The following IFNG variants were observed in gnomAD, a reference collection of about 807,000 sequenced individuals.
IFNG encodes IFN-gamma.
IFNG carries 8 observed loss-of-function variants against 14.4 expected under a neutral mutation model. The ratio of observed to expected loss-of-function variants is 0.56; its 90% CI spans 0.33 to 1.00. IFNG has a LOEUF of 1.00. Ranked by LOEUF, IFNG falls within the 50% of genes least tolerant of loss-of-function variation. The probability of loss-of-function intolerance (pLI) is 0.03; values close to 1 mark genes in which losing one functional copy is unlikely to be tolerated. For synonymous variants in IFNG, 73 were observed against 65.4 expected (o/e 1.12, Z -0.56); for missense variants, 132 against 194.9 (o/e 0.68, Z 1.92).
chr12:68,155,137 TA>T lies in IFNG; in HGVS notation c.*215del, dbSNP rs1882580639. Reference sequence around the variant, plus strand: ...TTGTAATCACATAGCCTTGCCTAATTAGTCAGAAAACAAAGGATTAAGTGAG... The same window carrying T: ...TTGTAATCACATAGCCTTGCCTAATTGTCAGAAAACAAAGGATTAAGTGAG... On this transcript the variant is annotated 3_prime_UTR_variant, in exon 4 of 4. Coordinates refer to ENST00000229135, the MANE Select transcript of IFNG (RefSeq NM_000619.3). 1 of 326,500 alleles carries T rather than the reference TA, an allele frequency of 3.1e-6. No homozygotes were observed. The highest frequency in any genetic ancestry group is 5.4e-6 in the Non-Finnish European group (1 of 183,846). 20.2% of individuals were successfully genotyped at this position (326,500 alleles called of 1,614,324 possible).
chr12:68,156,276 A>G lies in IFNG; in HGVS notation c.367-789T>C, dbSNP rs137925872. Among the ~76,000 whole-genome samples the G allele has an allele frequency of 3.2e-3, 480 of 152,372 alleles. 1 individual carries two copies. Among genetic ancestry groups the G allele is most frequent in the Middle Eastern group, 0.017 (5 of 294 alleles). ...TTACTGATATATAAAGTTTAAAATT[A>G]AGAATTGCAACAACTTTTCCAGTAC... is the stretch of plus-strand genomic sequence containing the variant. On this transcript the variant is annotated intron_variant, in intron 3 of 3. Coordinates refer to ENST00000229135, the MANE Select transcript of IFNG (RefSeq NM_000619.3).
chr12:68,155,755 T>C (rs1882591337), intron 3 of IFNG, among the ~76,000 whole-genome samples: 1 of 152,148 alleles, frequency 6.6e-6, no homozygotes, highest in African/African-American at 2.4e-5. Context: ...GACTCCTGGT[T>C]GTGGAGTCAG....
Position 68,158,017 on chromosome 12 carries a change from T to C in IFNG, c.262A>G (p.Ser88Gly), listed in dbSNP as rs1449250206. Residue 88 changes from serine to glycine, a missense_variant, in exon 3 of 4, where the codon AGC (serine) becomes GGC (glycine). Coordinates refer to ENST00000229135, the MANE Select transcript of IFNG (RefSeq NM_000619.3). ...KLFKNFKDDQ[S>G]IQKSVETIKE... The stretch of plus-strand genomic sequence containing the variant: ...ATGGTCTCCACACTCTTTTGGATGC[T>C]CTGGTCATCTTTAAAGTTTTTAAAA... The C allele has an allele frequency of 6.2e-7, 1 of 1,610,986 alleles. No homozygotes were observed. Among genetic ancestry groups the C allele is most frequent in the South Asian group, 1.1e-5 (1 of 90,374 alleles).
chr12:68,157,013 C>A (rs1882611380), intron 3 of IFNG, among the ~76,000 whole-genome samples: 1 of 152,090 alleles, frequency 6.6e-6, no homozygotes, highest in Non-Finnish European at 1.5e-5. Flanking sequence ...AATCTAGAGG[C>A]CTTTGTCTTC....
intron 3 of IFNG, 119 bp downstream of exon 3, chr12:68,157,794 C>T (rs1882622968): frequency 1.4e-6 from 1 of 710,458 alleles, no homozygotes; most frequent in Non-Finnish European, 2.3e-6. Context: ...AGAGTTTCAG[C>T]CATGAGTTGA....
chr12:68,156,211 G>C (rs1250240871), intron 3 of IFNG, among the ~76,000 whole-genome samples: 3 of 152,106 alleles, frequency 2.0e-5, no homozygotes, highest in Non-Finnish European at 4.4e-5. Flanking sequence ...TTCCATAATA[G>C]ATTTTAAAAT....
Position 68,155,487 on chromosome 12 carries a change from C to A in IFNG, c.367G>T (p.Val123Leu), listed in dbSNP as rs1411374650. 20 of 1,601,002 alleles carry A rather than the reference C, an allele frequency of 1.2e-5. No homozygotes were observed. Among genetic ancestry groups the A allele is most frequent in the African/African-American group, 4.0e-5 (3 of 74,330 alleles). ...DDFEKLTNYS[V>L]TDLNVQRKAI... The stretch of plus-strand genomic sequence containing the variant: ...TTGCGTTGGACATTCAAGTCAGTTA[C>A]CTATCGGGAAAGAAAAGAGCAAAAT... The change falls in exon 4 of 4, where the codon GTA (valine) becomes TTA (leucine). Residue 123 changes from valine (V) to leucine (L), a missense_variant and splice_region_variant. Physicochemically the swap from Val to Leu is conservative, Grantham distance 32. Transcript: ENST00000229135.
In IFNG at chr12:68,155,452, A is replaced by G. The variant is rs1592876784; in HGVS notation, c.402T>C (p.His134=). Residue 134 remains histidine, a synonymous_variant, in exon 4 of 4, where the codon CAT becomes CAC. Coordinates refer to ENST00000229135, the MANE Select transcript of IFNG (RefSeq NM_000619.3). ...TDLNVQRKAI[H]ELIQVMAELS... is the part of the protein sequence containing the mutation. The stretch of plus-strand genomic sequence containing the variant: ...GTTCAGCCATCACTTGGATGAGTTC[A>G]TGTATTGCTTTGCGTTGGACATTCA... 1 of 1,610,062 alleles carries G rather than the reference A, an allele frequency of 6.2e-7. No individual in the cohort carries two copies. Among genetic ancestry groups the G allele is most frequent in the Non-Finnish European group, 8.5e-7 (1 of 1,178,024 alleles).
At chr12:68,159,292 C>T (rs1309612745) in intron 1 of IFNG, among the ~76,000 whole-genome samples, 2 of 152,016 alleles carry the variant, frequency 1.3e-5, no homozygotes, top group African/African-American at 4.8e-5. Flanking sequence ...TTCATAAATC[C>T]CTTTTAAGTC....
intron 1 of IFNG, 79 bp from the exon 2 acceptor site, chr12:68,158,338 C>A: frequency 1.1e-6 from 1 of 933,986 alleles, no homozygotes; most frequent in Non-Finnish European, 1.6e-6. Flanking sequence ...TTTCATTGAA[C>A]TCAGATGTGA....
At chr12:68,156,811 T>C (rs1882608850) in intron 3 of IFNG, among the ~76,000 whole-genome samples, 1 of 151,848 alleles carries the variant, frequency 6.6e-6, no homozygotes, top group African/African-American at 2.4e-5. Flanking sequence ...AAGTGCTGAG[T>C]GTCTAGTTTA....
At chr12:68,156,391 C>A (rs1006275065) in intron 3 of IFNG, among the ~76,000 whole-genome samples, 3 of 152,110 alleles carry the variant, frequency 2.0e-5, no homozygotes, top group African/African-American at 4.8e-5. Flanking sequence ...AAATGTGGAC[C>A]ATTTACCTTC....
chr12:68,158,904 T>A (rs1882643712), intron 1 of IFNG, among the ~76,000 whole-genome samples: 1 of 152,176 alleles, frequency 6.6e-6, no homozygotes, highest in Admixed American at 6.5e-5. Context: ...ACTCAAAAAA[T>A]TCACTTAAAA....
chr12:68,159,488 A>C lies in IFNG; in HGVS notation c.114+14T>G, dbSNP rs760763463. On this transcript the variant is annotated intron_variant, in intron 1 of 3. Coordinates refer to ENST00000229135, the MANE Select transcript of IFNG (RefSeq NM_000619.3). ...TTCAACCACAAACAAGTACTATTAAAAAGTCATACTTACAAAATATTTCTT... is the reference window on the plus strand; with the variant it reads ...TTCAACCACAAACAAGTACTATTAACAAGTCATACTTACAAAATATTTCTT... The C allele has an allele frequency of 9.9e-6, 13 of 1,314,528 alleles. No homozygotes were observed. The highest frequency in any genetic ancestry group is 1.1e-6 in the Non-Finnish European group (1 of 920,620). The allele number at this position is 1,314,528 out of a possible 1,614,324, so 81.4% of individuals were successfully genotyped here.
At position 68,155,114 on chromosome 12, in the gene IFNG, G is replaced by A. The variant is rs1177239656; in HGVS notation, c.*239C>T. 7.4e-6 allele frequency: 2 copies of A among 270,092 alleles called. No individual in the cohort carries two copies. The highest frequency in any genetic ancestry group is 2.2e-5 in the African/African-American group (1 of 44,718). The allele number at this position is 270,092 out of a possible 1,614,324, so 16.7% of individuals were successfully genotyped here. ...TAGTTGGCCCCTGAGATAAAGCCTT[G>A]TAATCACATAGCCTTGCCTAATTAG... On this transcript the variant is annotated 3_prime_UTR_variant, in exon 4 of 4. Coordinates refer to ENST00000229135, the MANE Select transcript of IFNG (RefSeq NM_000619.3).
At chr12:68,159,172 A>AT (rs1302209519) in intron 1 of IFNG, among the ~76,000 whole-genome samples, 1 of 152,098 alleles carries the variant, frequency 6.6e-6, no homozygotes, top group Non-Finnish European at 1.5e-5. Flanking sequence ...ATAACCAATC[A>AT]TTTTTTTCAA....
At chr12:68,157,364 C>A (rs1487407910) in intron 3 of IFNG, among the ~76,000 whole-genome samples, 5 of 152,112 alleles carry the variant, frequency 3.3e-5, no homozygotes, top group Non-Finnish European at 7.4e-5. Context: ...ATTTTCTATT[C>A]TTTGCATTGT....
intron 1 of IFNG, among the ~76,000 whole-genome samples, chr12:68,159,110 A>G (rs1882647375): frequency 6.6e-6 from 1 of 152,102 alleles, no homozygotes. Flanking sequence ...AACATTTCCT[A>G]TTACCTTTTT....
At chr12:68,155,598 C>T (rs183400185) in intron 3 of IFNG, 111 bp from the exon 4 acceptor site, 217 of 892,380 alleles carry the variant, frequency 2.4e-4, no homozygotes, top group Non-Finnish European at 2.8e-4. Context: ...AAAAATGGAC[C>T]GTATTACCTT....
Sources: allele counts gnomAD v4.1 joint callset (sites outside exome capture counted in the v4.1 genomes callset), GRCh38; gene constraint gnomAD v4.1.1; transcripts MANE v1.5; gene names NCBI Gene and HGNC (gene_info 2026-07-23, HGNC 2026-07-21).